The following LINGO2 variants were observed in gnomAD, a reference collection of about 807,000 sequenced individuals.
LINGO2 encodes the protein leucine rich repeat and Ig domain containing 2, also known as leucine-rich repeat and immunoglobulin-like domain-containing nogo receptor-interacting protein 2.
Under a neutral mutation model 30.6 loss-of-function variants are expected in LINGO2, and 14 were observed. The ratio of observed to expected loss-of-function variants is 0.46; its 90% CI spans 0.30 to 0.72. The LOEUF (loss-of-function observed/expected upper bound fraction) is 0.72. LINGO2 is among the 30% of genes least tolerant of loss of function. The pLI is 0.07. For synonymous variants in LINGO2, 317 were observed against 288.5 expected, an observed-to-expected ratio of 1.10 and a Z score of -1.00; for missense variants, 729 against 751.7, an observed-to-expected ratio of 0.97 and a Z score of 0.35.
At chr9:28,687,293 A>G in the LINGO2 span, among the ~76,000 whole-genome samples, 3 of 152,140 alleles carry the variant, frequency 2.0e-5, no homozygotes, top group African/African-American at 7.2e-5. Flanking sequence ...TATCCCATTT[A>G]TAGCTTCACT....
intron 2 of LINGO2, among the ~76,000 whole-genome samples, chr9:28,450,105 A>G (rs112341571): frequency 1.2e-4 from 18 of 152,156 alleles, no homozygotes; most frequent in African/African-American, 4.3e-4. Context: ...AAGATGACTG[A>G]AACACATCTG....
chr9:29,140,342 A>G, the LINGO2 span, among the ~76,000 whole-genome samples: 4 of 151,984 alleles, frequency 2.6e-5, no homozygotes, highest in Non-Finnish European at 5.9e-5. Context: ...ACCAACAGAG[A>G]TAAGAAATAT....
At chr9:28,656,287 G>A (rs1349251252) in intron 1 of LINGO2, among the ~76,000 whole-genome samples, 1 of 151,858 alleles carries the variant, frequency 6.6e-6, no homozygotes, top group Non-Finnish European at 1.5e-5. Flanking sequence ...GTCTCAAAGT[G>A]CGTTATCCTA....
At chr9:28,805,320 T>C in the LINGO2 span, among the ~76,000 whole-genome samples, 1 of 152,076 alleles carries the variant, frequency 6.6e-6, no homozygotes, top group African/African-American at 2.4e-5. Context: ...GAGAACTGAG[T>C]TCTAGGTCTT....
At chr9:27,990,191 C>T (rs1317280273) in intron 5 of LINGO2, among the ~76,000 whole-genome samples, 1 of 151,988 alleles carries the variant, frequency 6.6e-6, no homozygotes, top group Non-Finnish European at 1.5e-5. Flanking sequence ...AATATTCTAC[C>T]ATTTTTGACC....
At chr9:28,287,044 G>A (rs1823536928) in intron 4 of LINGO2, among the ~76,000 whole-genome samples, 1 of 152,144 alleles carries the variant, frequency 6.6e-6, no homozygotes, top group Non-Finnish European at 1.5e-5. Context: ...GAGTATGTAT[G>A]GGGCTCTGGG....
the LINGO2 span, among the ~76,000 whole-genome samples, chr9:29,078,925 A>G: frequency 6.6e-6 from 1 of 151,944 alleles, no homozygotes; most frequent in African/African-American, 2.4e-5. Context: ...AGGAAGCTGC[A>G]TAAGTGCTTT....
chr9:28,759,326 T>C, the LINGO2 span, among the ~76,000 whole-genome samples: 4 of 151,956 alleles, frequency 2.6e-5, no homozygotes, highest in Non-Finnish European at 4.4e-5. Flanking sequence ...GTAAAGAAGA[T>C]TTGAAAATGA....
intron 1 of LINGO2, among the ~76,000 whole-genome samples, chr9:28,631,792 A>G (rs552723541): frequency 9.7e-4 from 148 of 152,216 alleles, no homozygotes; most frequent in African/African-American, 3.5e-3. Flanking sequence ...ACTCAAATTC[A>G]TGATCCCTCT....
At chr9:28,695,388 T>C in the LINGO2 span, among the ~76,000 whole-genome samples, 16 of 152,076 alleles carry the variant, frequency 1.1e-4, no homozygotes, top group African/African-American at 3.9e-4. Flanking sequence ...ATATGCATTC[T>C]TGGCATAAAT....
At chr9:28,363,959 T>C (rs1047900686) in intron 3 of LINGO2, among the ~76,000 whole-genome samples, 2 of 150,146 alleles carry the variant, frequency 1.3e-5, no homozygotes, top group Non-Finnish European at 1.5e-5. Context: ...TTTGTTGTAA[T>C]TGCATTAATT....
chr9:28,378,207 T>A (rs1428804768), intron 2 of LINGO2, among the ~76,000 whole-genome samples: 1 of 152,188 alleles, frequency 6.6e-6, no homozygotes, highest in South Asian at 2.1e-4. Flanking sequence ...AAGAAAGGTA[T>A]CCTAACCTGT....
At chr9:28,213,931 A>G (rs559607575) in intron 4 of LINGO2, among the ~76,000 whole-genome samples, 5 of 151,566 alleles carry the variant, frequency 3.3e-5, no homozygotes, top group Non-Finnish European at 5.9e-5. Flanking sequence ...CCTCAATTTT[A>G]TATTTTAAAA....
At chr9:28,336,437 C>T (rs561069598) in intron 3 of LINGO2, among the ~76,000 whole-genome samples, 3 of 152,120 alleles carry the variant, frequency 2.0e-5, no homozygotes, top group African/African-American at 4.8e-5. Context: ...CCAATTTATC[C>T]ATTTTTTCTT....
chr9:29,002,688 T>C, the LINGO2 span, among the ~76,000 whole-genome samples: 8 of 152,020 alleles, frequency 5.3e-5, no homozygotes, highest in East Asian at 7.7e-4. Flanking sequence ...TCACTATATA[T>C]ACCCTGCGAC....
rs137914726 is a variant in LINGO2, at chr9:28,375,089, AACACACACACAC to A, written c.-278-2233_-278-2222del. On this transcript the variant is annotated intron_variant, in intron 2 of 5. Transcript: ENST00000379992. ...ACCCCTTATCGCACACACACCCCTT[AACACACACACAC>A]ACACACACACACACACACACACACA... Among the ~76,000 whole-genome samples, 225 of 141,818 alleles carry A rather than the reference AACACACACACAC, an allele frequency of 1.6e-3. 1 individual carries two copies. Among genetic ancestry groups the A allele is most frequent in the South Asian group, 5.1e-3 (22 of 4,322 alleles). The allele number at this position is 141,818 out of a possible 152,430, so 93.0% of individuals were successfully genotyped here. A position where few individuals can be genotyped will look rare whatever the true frequency, so the allele number is the denominator to read the frequency against.
At chr9:29,029,121 A>C in the LINGO2 span, among the ~76,000 whole-genome samples, 1 of 151,998 alleles carries the variant, frequency 6.6e-6, no homozygotes, top group Non-Finnish European at 1.5e-5. Context: ...TTAACCTTTC[A>C]TCTCTGAACT....
chr9:28,550,705 T>G (rs1482363417), intron 1 of LINGO2, among the ~76,000 whole-genome samples: 1 of 151,794 alleles, frequency 6.6e-6, no homozygotes, highest in Non-Finnish European at 1.5e-5. Flanking sequence ...TTAATATTTT[T>G]GCTTTCATAA....
At chr9:28,953,731 A>G in the LINGO2 span, among the ~76,000 whole-genome samples, 1 of 152,116 alleles carries the variant, frequency 6.6e-6, no homozygotes, top group Non-Finnish European at 1.5e-5. Context: ...TACTGCTTTT[A>G]AAGTTATTGT....
Sources: allele counts gnomAD v4.1 joint callset (sites outside exome capture counted in the v4.1 genomes callset), GRCh38; gene constraint gnomAD v4.1.1; transcripts MANE v1.5; gene names NCBI Gene and HGNC (gene_info 2026-07-23, HGNC 2026-07-21).